GHR: variants seen among roughly 807,000 people sequenced by gnomAD.
GHR encodes growth hormone receptor, also known as GH receptor.
In GHR, 35 loss-of-function variants were observed where a neutral mutation model predicts 67.1. The observed-to-expected ratio is 0.52, with a 90% CI of 0.40 to 0.69. GHR has a LOEUF of 0.69. Among genes scored for constraint, GHR ranks in the 30% least tolerant of loss-of-function variants. GHR has a pLI of 0.00. For synonymous variants in GHR, 272 were observed against 269.1 expected (o/e 1.01, Z -0.10); for missense variants, 792 against 764.6 (o/e 1.04, Z -0.42).
At chr5:42,478,908 C>A (rs1285077469) in intron 1 of GHR, among the ~76,000 whole-genome samples, 2 of 152,298 alleles carry the variant, frequency 1.3e-5, no homozygotes, top group African/African-American at 4.8e-5. Context: ...CTGGCCAGAA[C>A]TTCCAACACT....
intron 6 of GHR, among the ~76,000 whole-genome samples, chr5:42,701,777 A>T (rs575110414): frequency 9.3e-4 from 141 of 152,284 alleles, no homozygotes; most frequent in African/African-American, 3.4e-3. Flanking sequence ...AATGAAAGTG[A>T]CTTTTTAATT....
intron 9 of GHR, 79 bp downstream of exon 9, chr5:42,718,200 G>A: frequency 1.2e-6 from 1 of 839,120 alleles, no homozygotes; most frequent in East Asian, 2.5e-5. Context: ...AAGGTTTTCT[G>A]TAAGCTATAT....
chr5:42,579,197 TAGAC>T (rs1554021935), intron 2 of GHR, among the ~76,000 whole-genome samples: 4 of 145,580 alleles, frequency 2.7e-5, no homozygotes, highest in Non-Finnish European at 4.6e-5. Context: ...GATAGATAGA[TAGAC>T]AGATAGATAG....
intron 3 of GHR, among the ~76,000 whole-genome samples, chr5:42,673,444 A>T (rs1226066765): frequency 6.6e-6 from 1 of 152,166 alleles, no homozygotes; most frequent in African/African-American, 2.4e-5. Context: ...TCTTTTGGAT[A>T]TTGTTCTACC....
chr5:42,714,712 C>T (rs1354208322), intron 8 of GHR, among the ~76,000 whole-genome samples: 1 of 152,134 alleles, frequency 6.6e-6, no homozygotes, highest in Non-Finnish European at 1.5e-5. Flanking sequence ...TCCAAAAAAG[C>T]AGCTATCATA....
At chr5:42,648,085 G>A (rs543427641) in intron 3 of GHR, among the ~76,000 whole-genome samples, 142 of 152,230 alleles carry the variant, frequency 9.3e-4, no homozygotes, top group South Asian at 6.2e-3. Flanking sequence ...TAAAAAGAGC[G>A]TAGAAACCCT....
In GHR at chr5:42,719,119, G is replaced by T; in HGVS notation, c.1612G>T (p.Ala538Ser). 2 of 1,614,062 alleles carry T rather than the reference G, an allele frequency of 1.2e-6. No homozygotes were observed. Among genetic ancestry groups the T allele is most frequent in the South Asian group, 2.2e-5 (2 of 91,076 alleles). The change falls in exon 10 of 10, where the codon GCA becomes TCA. Residue 538 changes from alanine (A) to serine (S), a missense_variant. Ala to Ser is a moderately conservative substitution (Grantham distance 99, BLOSUM62 1). Transcript: ENST00000230882. The stretch of plus-strand genomic sequence containing the variant: ...TATGGACAATGCCTACTTCTGTGAG[G>T]CAGATGCCAAAAAGTGCATCCCTGT... ...FLMDNAYFCE[A>S]DAKKCIPVAP...
intron 1 of GHR, among the ~76,000 whole-genome samples, chr5:42,501,303 A>G (rs923371638): frequency 3.3e-5 from 5 of 152,202 alleles, no homozygotes; most frequent in African/African-American, 1.2e-4. Context: ...ACTTTAAAAC[A>G]TATCCAGAAA....
At chr5:42,667,525 A>G (rs968007031) in intron 3 of GHR, among the ~76,000 whole-genome samples, 2 of 152,178 alleles carry the variant, frequency 1.3e-5, no homozygotes, top group Admixed American at 1.3e-4. Flanking sequence ...TTTGAAAAAT[A>G]CCAATGCCCA....
At chr5:42,657,576 T>TG (rs1316478717) in intron 3 of GHR, among the ~76,000 whole-genome samples, 1 of 152,176 alleles carries the variant, frequency 6.6e-6, no homozygotes. Context: ...AGTAGATACT[T>TG]GCCAATATGC....
intron 1 of GHR, among the ~76,000 whole-genome samples, chr5:42,459,092 T>C (rs1031717495): frequency 3.3e-5 from 5 of 152,224 alleles, no homozygotes; most frequent in African/African-American, 1.2e-4. Flanking sequence ...TGGTAAGCAG[T>C]TTGGTAATTT....
At position 42,565,865 on chromosome 5, in the gene GHR, T is replaced by C. The variant is rs201804261; in HGVS notation, c.-10T>C. The C allele has an allele frequency of 3.4e-4, 544 of 1,613,944 alleles. No homozygotes were observed. The highest frequency in any genetic ancestry group is 5.0e-4 in the Middle Eastern group (3 of 6,060). On this transcript the variant is annotated splice_region_variant and 5_prime_UTR_variant, in exon 2 of 10. Transcript: ENST00000230882. The stretch of plus-strand genomic sequence containing the variant: ...ACCTTACCCTTTTTGTGATTGCAGG[T>C]CCTACAGGTATGGATCTCTGGCAGC...
chr5:42,541,951 C>T (rs1748537032), intron 1 of GHR, among the ~76,000 whole-genome samples: 1 of 151,956 alleles, frequency 6.6e-6, no homozygotes, highest in African/African-American at 2.4e-5. Context: ...ATAAAACATT[C>T]AAAGAAATTA....
At chr5:42,428,755 A>G (rs1411684837) in intron 1 of GHR, among the ~76,000 whole-genome samples, 3 of 152,138 alleles carry the variant, frequency 2.0e-5, no homozygotes, top group Non-Finnish European at 4.4e-5. Flanking sequence ...CCAGTTCCCA[A>G]CAAGTTCTTC....
chr5:42,439,022 C>T (rs1283917386), intron 1 of GHR, among the ~76,000 whole-genome samples: 1 of 152,080 alleles, frequency 6.6e-6, no homozygotes, highest in Non-Finnish European at 1.5e-5. Context: ...TACTAAATCA[C>T]AAATTTTAAA....
chr5:42,530,735 G>T (rs1747928917), intron 1 of GHR, among the ~76,000 whole-genome samples: 1 of 152,090 alleles, frequency 6.6e-6, no homozygotes, highest in Non-Finnish European at 1.5e-5. Context: ...GTCATATTCA[G>T]AGATAGATTG....
chr5:42,461,652 T>C (rs1427126817), intron 1 of GHR, among the ~76,000 whole-genome samples: 1 of 152,234 alleles, frequency 6.6e-6, no homozygotes, highest in East Asian at 1.9e-4. Context: ...TCTGTATGGC[T>C]GTTTCATAAA....
chr5:42,433,732 ATTTTTTTTTTT>A (rs35539827), intron 1 of GHR, among the ~76,000 whole-genome samples: 2 of 77,604 alleles, frequency 2.6e-5, no homozygotes, highest in Non-Finnish European at 4.7e-5. Context: ...AAGATATGGT[ATTTTTTTTTTT>A]TTTTTTTTTT....
At chr5:42,477,651 T>G (rs956944012) in intron 1 of GHR, among the ~76,000 whole-genome samples, 3 of 152,234 alleles carry the variant, frequency 2.0e-5, no homozygotes, top group Non-Finnish European at 4.4e-5. Context: ...GAGCATTTTT[T>G]CATGTGTTTT....
Sources: allele counts gnomAD v4.1 joint callset (sites outside exome capture counted in the v4.1 genomes callset), GRCh38; gene constraint gnomAD v4.1.1; transcripts MANE v1.5; gene names NCBI Gene and HGNC (gene_info 2026-07-23, HGNC 2026-07-21).